RBM20: variants seen among roughly 807,000 people sequenced by gnomAD.
RBM20 encodes RNA-binding protein 20.
Under a neutral mutation model 110.1 loss-of-function variants are expected in RBM20, and 51 were observed. The observed-to-expected ratio is 0.46, with a 90% CI of 0.37 to 0.59. The LOEUF is 0.59. Ranked by LOEUF, RBM20 falls within the 20% of genes least tolerant of loss-of-function variation. The pLI, the probability that RBM20 is intolerant of heterozygous loss-of-function variation, is 0.00. For synonymous variants in RBM20, 589 were observed against 618.2 expected (o/e 0.95, Z 0.70); for missense variants, 1,512 against 1,574.9 (o/e 0.96, Z 0.68).
rs1844568332 is a variant in RBM20, at chr10:110,797,623, A to G, written c.1643A>G (p.Tyr548Cys). Residue 548 changes from tyrosine (Y) to cysteine (C), a missense_variant, in exon 6 of 14, where the codon TAC becomes TGC. By Grantham distance (194) the Tyr-to-Cys change is radical. Coordinates refer to ENST00000369519, the MANE Select transcript of RBM20 (RefSeq NM_001134363.3). ...CTGCCCTTTGGAAAGGTCACTAATT[A>G]CATCCTCATGAAGTCGACTAATCAG... The part of the protein sequence containing the change: ...LGLPFGKVTN[Y>C]ILMKSTNQAF... The G allele has an allele frequency of 6.4e-7, 1 of 1,551,832 alleles. No homozygotes were observed. The highest frequency in any genetic ancestry group is 1.2e-5 in the South Asian group (1 of 84,064).
chr10:110,828,553 A>C (rs1036145210), intron 12 of RBM20, among the ~76,000 whole-genome samples: 4 of 152,218 alleles, frequency 2.6e-5, no homozygotes, highest in African/African-American at 9.7e-5. Flanking sequence ...GAAAGCCAAC[A>C]TTTAGGCAGT....
chr10:110,649,987 C>T (rs530064265), intron 1 of RBM20, among the ~76,000 whole-genome samples: 10 of 152,254 alleles, frequency 6.6e-5, no homozygotes, highest in Admixed American at 5.2e-4. Flanking sequence ...AACACCACCA[C>T]GGGGGTATTG....
chr10:110,733,845 C>T (rs1355149997), intron 1 of RBM20, among the ~76,000 whole-genome samples: 2 of 152,188 alleles, frequency 1.3e-5, no homozygotes, highest in South Asian at 2.1e-4. Context: ...CCCAGCAATT[C>T]GGTTTGCCCT....
chr10:110,666,018 G>GGGAA (rs1554888107), intron 1 of RBM20, among the ~76,000 whole-genome samples: 1 of 95,670 alleles, frequency 1.0e-5, no homozygotes, highest in African/African-American at 3.6e-5. Context: ...AGAGAGAGAG[G>GGGAA]GGAAGGAAGG....
At chr10:110,773,781 G>C (rs757199232) in intron 1 of RBM20, among the ~76,000 whole-genome samples, 7 of 152,182 alleles carry the variant, frequency 4.6e-5, no homozygotes, top group Non-Finnish European at 2.9e-5. Flanking sequence ...TGAAAGGCAG[G>C]CCTCTCGTGT....
chr10:110,705,650 C>T (rs1029388938), intron 1 of RBM20, among the ~76,000 whole-genome samples: 3 of 152,152 alleles, frequency 2.0e-5, no homozygotes, highest in Non-Finnish European at 4.4e-5. Context: ...CTTATGAAAG[C>T]GTAAGTAATA....
chr10:110,727,878 A>C (rs1268086147), intron 1 of RBM20, among the ~76,000 whole-genome samples: 1 of 151,840 alleles, frequency 6.6e-6, no homozygotes, highest in Non-Finnish European at 1.5e-5. Context: ...TTTAACTCCC[A>C]CTTATGAGTG....
chr10:110,723,903 G>C (rs1169831112), intron 1 of RBM20, among the ~76,000 whole-genome samples: 1 of 152,170 alleles, frequency 6.6e-6, no homozygotes, highest in African/African-American at 2.4e-5. Context: ...TGTTGGGCTT[G>C]AGTTTTACTT....
chr10:110,837,607 ATAC>A lies in RBM20; in HGVS notation c.*1631_*1633del, dbSNP rs1412287029. The A allele has an allele frequency of 6.6e-6, 1 of 152,238 alleles. No homozygotes were observed. Among genetic ancestry groups the A allele is most frequent in the Non-Finnish European group, 1.5e-5 (1 of 68,084 alleles). 9.4% of individuals were successfully genotyped at this position (152,238 alleles called of 1,614,324 possible). Reference sequence around the variant, plus strand: ...TTTCCTTTTTATGGCATGTGAGAGCATACTGTACATTCTGTCCTCTGTACTAAT... The same window carrying A: ...TTTCCTTTTTATGGCATGTGAGAGCATGTACATTCTGTCCTCTGTACTAAT... On this transcript the variant is annotated 3_prime_UTR_variant, in exon 14 of 14. Transcript: ENST00000369519.
At chr10:110,767,371 C>A (rs572276743) in intron 1 of RBM20, among the ~76,000 whole-genome samples, 5,422 of 144,110 alleles carry the variant, frequency 0.038, 339 homozygotes, top group African/African-American at 0.13. Flanking sequence ...CCGGACAGGG[C>A]GGCTGGCCTG....
intron 1 of RBM20, among the ~76,000 whole-genome samples, chr10:110,753,158 C>T (rs1278063150): frequency 2.0e-5 from 3 of 151,616 alleles, no homozygotes; most frequent in African/African-American, 7.3e-5. Flanking sequence ...AGGCTGGTCT[C>T]GAACTCCTGA....
intron 1 of RBM20, among the ~76,000 whole-genome samples, chr10:110,758,413 A>G (rs113647514): frequency 8.5e-5 from 13 of 152,298 alleles, no homozygotes; most frequent in African/African-American, 2.9e-4. Context: ...AAGATAGGAT[A>G]AGGGAGGAGG....
At chr10:110,819,283 G>A (rs1451923463) in intron 9 of RBM20, among the ~76,000 whole-genome samples, 1 of 152,204 alleles carries the variant, frequency 6.6e-6, no homozygotes, top group East Asian at 1.9e-4. Flanking sequence ...GGGCCAAGGG[G>A]CAAAATTGAG....
intron 1 of RBM20, among the ~76,000 whole-genome samples, chr10:110,724,803 C>T (rs979919748): frequency 3.3e-5 from 5 of 152,228 alleles, no homozygotes; most frequent in Middle Eastern, 6.8e-3. Context: ...ATGCTTTATC[C>T]GGCACCTACT....
At chr10:110,726,634 A>G (rs1359095287) in intron 1 of RBM20, among the ~76,000 whole-genome samples, 6 of 152,168 alleles carry the variant, frequency 3.9e-5, no homozygotes, top group Non-Finnish European at 8.8e-5. Context: ...TTGTAGAAAA[A>G]CTACAAAGTT....
chr10:110,775,484 A>G (rs1844249644), intron 1 of RBM20, among the ~76,000 whole-genome samples: 1 of 152,210 alleles, frequency 6.6e-6, no homozygotes, highest in Non-Finnish European at 1.5e-5. Flanking sequence ...ACTCTACTGC[A>G]CTTCAGCTGT....
intron 1 of RBM20, among the ~76,000 whole-genome samples, chr10:110,753,151 C>A (rs1460083411): frequency 3.3e-5 from 5 of 151,600 alleles, no homozygotes; most frequent in Non-Finnish European, 2.9e-5. Context: ...GTTGGTCAGG[C>A]TGGTCTCGAA....
At chr10:110,670,508 A>T (rs1389785655) in intron 1 of RBM20, among the ~76,000 whole-genome samples, 1 of 152,116 alleles carries the variant, frequency 6.6e-6, no homozygotes, top group South Asian at 2.1e-4. Flanking sequence ...CATCATTATG[A>T]TTTGTGGGCA....
chr10:110,807,103 G>T (rs540504104), intron 7 of RBM20, among the ~76,000 whole-genome samples: 2 of 152,312 alleles, frequency 1.3e-5, no homozygotes, highest in East Asian at 3.9e-4. Flanking sequence ...TGCAGTATTT[G>T]CAGATTCATA....
Sources: gnomAD v4.1 joint callset for allele counts (sites outside exome capture counted in the v4.1 genomes callset) on GRCh38, gnomAD v4.1.1 for gene constraint, MANE v1.5 for transcripts, NCBI Gene and HGNC (gene_info 2026-07-23, HGNC 2026-07-21) for gene names.